The following ADAMTSL1 variants were observed in gnomAD, a reference collection of about 807,000 sequenced individuals.
ADAMTSL1 encodes the protein ADAMTS-like protein 1.
ADAMTSL1 carries 126 observed loss-of-function variants against 201.8 expected under a neutral mutation model. The ratio of observed to expected loss-of-function variants is 0.62; its 90% CI spans 0.54 to 0.72. The LOEUF (loss-of-function observed/expected upper bound fraction) is 0.72. Among genes scored for constraint, ADAMTSL1 ranks in the 30% least tolerant of loss-of-function variants. The pLI is 0.00. For synonymous variants in ADAMTSL1, 1,121 were observed against 903.4 expected, an observed-to-expected ratio of 1.24 and a Z score of -4.32; for missense variants, 2,679 against 2,277.8, an observed-to-expected ratio of 1.18 and a Z score of -3.59.
chr9:18,208,602 A>G (rs1486586604), intron 2 of ADAMTSL1, among the ~76,000 whole-genome samples: 3 of 152,162 alleles, frequency 2.0e-5, no homozygotes, highest in Admixed American at 1.3e-4. Flanking sequence ...TGACAATGCT[A>G]TCAGTTAGGG....
chr9:17,963,894 T>C (rs1367075571), intron 1 of ADAMTSL1, among the ~76,000 whole-genome samples: 1 of 152,154 alleles, frequency 6.6e-6, no homozygotes, highest in Admixed American at 6.6e-5. Context: ...ACAGCTGGAA[T>C]CGTCCTGCTG....
At chr9:18,508,170 C>T (rs1464241214) in intron 2 of ADAMTSL1, among the ~76,000 whole-genome samples, 3 of 148,960 alleles carry the variant, frequency 2.0e-5, no homozygotes, top group Non-Finnish European at 1.5e-5. Flanking sequence ...GGGCGACGAG[C>T]GAAACTCCGT....
At position 18,390,447 on chromosome 9, in the gene ADAMTSL1, T is replaced by C. The variant is rs12554473; in HGVS notation, c.208-114382T>C. On this transcript the variant is annotated intron_variant, in intron 2 of 29. Transcript: ENST00000680146. Reference sequence around the variant, plus strand: ...ATTGAGTTCTAAACTGAAGGGAATTTGTTGGAATGTCTTTCAGGCAACCCA... The same window carrying C: ...ATTGAGTTCTAAACTGAAGGGAATTCGTTGGAATGTCTTTCAGGCAACCCA... 5.9e-3 allele frequency among the ~76,000 whole-genome samples: 896 copies of C among 152,352 alleles called. 27 individuals carry two copies. Among genetic ancestry groups the C allele is most frequent in the Admixed American group, 0.048 (740 of 15,312 alleles).
intron 1 of ADAMTSL1, among the ~76,000 whole-genome samples, chr9:17,957,981 C>A (rs1198097421): frequency 1.3e-5 from 2 of 152,136 alleles, no homozygotes; most frequent in Non-Finnish European, 2.9e-5. Flanking sequence ...TGTTTGAAGC[C>A]TCCCAGTTTG....
rs536908008 is a variant in ADAMTSL1, at chr9:18,125,221, A to G, written c.88-38641A>G. On this transcript the variant is annotated intron_variant, in intron 1 of 29. Transcript: ENST00000680146. ...GCAAGTCGCCTCTTACACGGATGGC[A>G]GCAGGGAAAGAGAGAGCCTGAGCAG... Among the ~76,000 whole-genome samples the G allele has an allele frequency of 5.8e-4, 89 of 152,288 alleles. 2 individuals carry two copies. Among genetic ancestry groups the G allele is most frequent in the Admixed American group, 2.9e-3 (44 of 15,300 alleles).
chr9:17,958,330 A>T (rs768118682), intron 1 of ADAMTSL1, among the ~76,000 whole-genome samples: 1 of 152,196 alleles, frequency 6.6e-6, no homozygotes, highest in Non-Finnish European at 1.5e-5. Flanking sequence ...CACTGAGATG[A>T]GATAACTGGG....
intron 4 of ADAMTSL1, among the ~76,000 whole-genome samples, chr9:18,619,396 T>G (rs1365651697): frequency 6.6e-6 from 1 of 151,522 alleles, no homozygotes; most frequent in African/African-American, 2.4e-5. Context: ...GAGGAATTGA[T>G]AACAGAGAAA....
At chr9:18,843,463 T>G (rs570093181) in intron 23 of ADAMTSL1, among the ~76,000 whole-genome samples, 3 of 151,040 alleles carry the variant, frequency 2.0e-5, no homozygotes, top group South Asian at 4.1e-4. Context: ...TGGCTGCGTT[T>G]AACATTTTTT....
chr9:18,739,014 A>G (rs1818672364), intron 15 of ADAMTSL1, among the ~76,000 whole-genome samples: 1 of 152,216 alleles, frequency 6.6e-6, no homozygotes, highest in Non-Finnish European at 1.5e-5. Flanking sequence ...CAAATCCTAG[A>G]TCTCTTACAA....
Position 18,622,325 on chromosome 9 carries a change from G to A in ADAMTSL1, c.557G>A (p.Arg186Gln), listed in dbSNP as rs749759308. The change falls in exon 5 of 29, where the codon CGG becomes CAG. Residue 186 changes from arginine (R) to glutamine (Q), a missense_variant. Transcript: ENST00000380548. ...GVCNGDGSTC[R>Q]LVRGQYKSQL... ...TGCAACGGAGATGGGTCCACCTGCC[G>A]GCTGGTCCGAGGGCAGTATAAATCC... 47 of 1,613,890 alleles carry A rather than the reference G, an allele frequency of 2.9e-5. No individual in the cohort carries two copies. Among genetic ancestry groups the A allele is most frequent in the South Asian group, 3.3e-5 (3 of 91,080 alleles).
chr9:18,422,812 G>A (rs1310200507), intron 2 of ADAMTSL1, among the ~76,000 whole-genome samples: 1 of 152,072 alleles, frequency 6.6e-6, no homozygotes, highest in Non-Finnish European at 1.5e-5. Flanking sequence ...TTGCTTTCTT[G>A]TATGTCTTCC....
intron 22 of ADAMTSL1, among the ~76,000 whole-genome samples, chr9:18,827,706 T>C (rs1409546270): frequency 6.6e-6 from 1 of 152,170 alleles, no homozygotes; most frequent in South Asian, 2.1e-4. Flanking sequence ...GTATGGCTGC[T>C]ACTGTGGCTT....
intron 1 of ADAMTSL1, among the ~76,000 whole-genome samples, chr9:17,934,408 G>C (rs549949793): frequency 6.6e-6 from 1 of 152,094 alleles, no homozygotes; most frequent in Admixed American, 6.6e-5. Context: ...AAAATGCTTT[G>C]TCAAAGTGTT....
intron 1 of ADAMTSL1, among the ~76,000 whole-genome samples, chr9:17,988,527 T>C (rs1819014411): frequency 1.3e-5 from 2 of 151,862 alleles, no homozygotes; most frequent in South Asian, 4.1e-4. Flanking sequence ...TATAATTATT[T>C]TATATAAAAT....
intron 1 of ADAMTSL1, among the ~76,000 whole-genome samples, chr9:18,149,681 A>T (rs1681968791): frequency 6.6e-6 from 1 of 152,090 alleles, no homozygotes; most frequent in Admixed American, 6.6e-5. Flanking sequence ...GACACATGTC[A>T]CGCCAGAGAG....
At chr9:17,970,093 G>T (rs1271954104) in intron 1 of ADAMTSL1, among the ~76,000 whole-genome samples, 1 of 151,880 alleles carries the variant, frequency 6.6e-6, no homozygotes, top group Non-Finnish European at 1.5e-5. Context: ...TTCTAATTGG[G>T]TATTAACACT....
intron 14 of ADAMTSL1, among the ~76,000 whole-genome samples, chr9:18,707,885 G>A (rs536239321): frequency 9.2e-5 from 14 of 152,176 alleles, no homozygotes; most frequent in South Asian, 2.1e-4. Context: ...GGCAGAGGAA[G>A]GCATTGAAAT....
intron 2 of ADAMTSL1, among the ~76,000 whole-genome samples, chr9:18,358,522 C>G (rs867860315): frequency 6.6e-6 from 1 of 152,158 alleles, no homozygotes; most frequent in Non-Finnish European, 1.5e-5. Context: ...GCAGCAGTCA[C>G]TCTCAATTCT....
intron 23 of ADAMTSL1, among the ~76,000 whole-genome samples, chr9:18,840,552 G>A (rs1825650747): frequency 6.6e-6 from 1 of 152,134 alleles, no homozygotes; most frequent in Non-Finnish European, 1.5e-5. Context: ...CTTTAAAGTA[G>A]TTTTTTCCAA....
Sources: gnomAD v4.1 joint callset for allele counts (sites outside exome capture counted in the v4.1 genomes callset) on GRCh38, gnomAD v4.1.1 for gene constraint, MANE v1.5 for transcripts, NCBI Gene and HGNC (gene_info 2026-07-23, HGNC 2026-07-21) for gene names.